Variants in CAST observed in about 807,000 individuals in gnomAD.
CAST encodes calpastatin, also known as MIR583 host.
Under a neutral mutation model 119.6 loss-of-function variants are expected in CAST, and 76 were observed. The observed-to-expected ratio is 0.64, with a 90% CI of 0.53 to 0.77. The LOEUF (loss-of-function observed/expected upper bound fraction) is 0.77. Ranked by LOEUF, CAST falls within the 30% of genes least tolerant of loss-of-function variation. The pLI, the probability that CAST is intolerant of heterozygous loss-of-function variation, is 0.00. For missense variants in CAST, 953 were observed against 946.5 expected, an observed-to-expected ratio of 1.01 and a Z score of -0.09; for synonymous variants, 319 against 331.6, an observed-to-expected ratio of 0.96 and a Z score of 0.41.
At chr5:96,344,249 G>A in the CAST span, among the ~76,000 whole-genome samples, 1 of 152,158 alleles carries the variant, frequency 6.6e-6, no homozygotes, top group African/African-American at 2.4e-5. Context: ...AGGGAAGTGG[G>A]CATTGGGATG....
chr5:96,074,301 C>CTT, the CAST span, among the ~76,000 whole-genome samples: 2 of 152,190 alleles, frequency 1.3e-5, no homozygotes, highest in African/African-American at 2.4e-5. Context: ...AGCTCTAACA[C>CTT]CCCCAGTGTG....
the CAST span, among the ~76,000 whole-genome samples, chr5:96,481,928 C>A: frequency 7.5e-4 from 114 of 152,124 alleles, no homozygotes; most frequent in Middle Eastern, 6.8e-3. Context: ...TTAAATATCC[C>A]TTGACAACTT....
At chr5:96,591,686 A>G (rs1050688553) in intron 1 of CAST, among the ~76,000 whole-genome samples, 7 of 152,230 alleles carry the variant, frequency 4.6e-5, no homozygotes, top group African/African-American at 1.7e-4. Flanking sequence ...TCCAGGGCTT[A>G]AATTCTTCCT....
chr5:96,234,652 CAG>C, the CAST span, among the ~76,000 whole-genome samples: 1 of 152,120 alleles, frequency 6.6e-6, no homozygotes, highest in Admixed American at 6.6e-5. Flanking sequence ...CATTTCTATG[CAG>C]AAAGAAAAGG....
chr5:96,542,632 AC>A (rs1334035269), intron 1 of CAST, among the ~76,000 whole-genome samples: 3 of 151,660 alleles, frequency 2.0e-5, no homozygotes, highest in East Asian at 1.9e-4. Flanking sequence ...GCCCATTTAA[AC>A]TTTTGTTCTA....
At chr5:96,102,848 A>G in the CAST span, among the ~76,000 whole-genome samples, 22 of 151,986 alleles carry the variant, frequency 1.4e-4, no homozygotes, top group Non-Finnish European at 2.9e-4. Flanking sequence ...TTAGTTGCTT[A>G]AGAAAATGAA....
the CAST span, among the ~76,000 whole-genome samples, chr5:96,205,135 C>T: frequency 1.3e-5 from 2 of 152,036 alleles, no homozygotes; most frequent in Admixed American, 1.3e-4. Flanking sequence ...GTTCTTTATA[C>T]ATTCTGGATA....
chr5:95,976,119 A>G, the CAST span, among the ~76,000 whole-genome samples: 1 of 151,834 alleles, frequency 6.6e-6, no homozygotes, highest in African/African-American at 2.4e-5. Flanking sequence ...ACTTACTTTT[A>G]AAAGTAATTT....
chr5:96,065,552 T>C, the CAST span, among the ~76,000 whole-genome samples: 1,114 of 152,280 alleles, frequency 7.3e-3, 15 homozygotes, highest in South Asian at 0.059. Flanking sequence ...AAGCATCTTT[T>C]ATTTTAAAGC....
intron 3 of CAST, among the ~76,000 whole-genome samples, chr5:96,704,898 G>A (rs1025804391): frequency 1.3e-5 from 2 of 152,076 alleles, no homozygotes; most frequent in African/African-American, 4.8e-5. Context: ...TGGCATTTTG[G>A]GTGACAATTC....
chr5:96,166,161 T>G, the CAST span, among the ~76,000 whole-genome samples: 1 of 152,120 alleles, frequency 6.6e-6, no homozygotes, highest in Non-Finnish European at 1.5e-5. Flanking sequence ...GTTTCCCCCC[T>G]GCAGATAAAA....
intron 20 of CAST, among the ~76,000 whole-genome samples, chr5:96,752,581 T>C (rs1765340980): frequency 6.8e-6 from 1 of 146,810 alleles, no homozygotes; most frequent in Non-Finnish European, 1.5e-5. Context: ...TTTTTTTTTT[T>C]TTTTTTTTTT....
intron 1 of CAST, among the ~76,000 whole-genome samples, chr5:96,647,766 G>A (rs1748036020): frequency 6.6e-6 from 1 of 152,082 alleles, no homozygotes; most frequent in Non-Finnish European, 1.5e-5. Flanking sequence ...GATCCTTCCC[G>A]AGCTCCTTCA....
the CAST span, among the ~76,000 whole-genome samples, chr5:96,445,460 A>C: frequency 1.3e-5 from 2 of 152,224 alleles, no homozygotes; most frequent in Admixed American, 1.3e-4. Context: ...CTCATTGCCC[A>C]GACACATAAT....
chr5:96,320,034 T>C, the CAST span, among the ~76,000 whole-genome samples: 1 of 150,600 alleles, frequency 6.6e-6, no homozygotes, highest in Non-Finnish European at 1.5e-5. Flanking sequence ...ACCAGGCTCC[T>C]CATAGCAGAG....
the CAST span, among the ~76,000 whole-genome samples, chr5:96,056,735 A>G: frequency 6.6e-6 from 1 of 152,150 alleles, no homozygotes; most frequent in African/African-American, 2.4e-5. Context: ...ATAAAAGTAA[A>G]GCCAGCCTCT....
the CAST span, among the ~76,000 whole-genome samples, chr5:96,437,542 AGTAT>A: frequency 1.1e-4 from 17 of 152,316 alleles, no homozygotes; most frequent in Admixed American, 5.9e-4. Flanking sequence ...CTGCTCCTGA[AGTAT>A]GTCTTTCTAT....
chr5:96,425,004 AAAGAAAAGAAAG>A, the CAST span, among the ~76,000 whole-genome samples: 1 of 127,818 alleles, frequency 7.8e-6, no homozygotes, highest in Admixed American at 8.4e-5. Context: ...AAAGAGAAAG[AAAGAAAAGAAAG>A]AAAGAAAGAA....
At chr5:96,064,500 T>G in the CAST span, among the ~76,000 whole-genome samples, 5 of 148,966 alleles carry the variant, frequency 3.4e-5, no homozygotes. Context: ...AAAGATTTCA[T>G]TTTTGTACTT....
Sources: gnomAD v4.1 joint callset for allele counts (sites outside exome capture counted in the v4.1 genomes callset) on GRCh38, gnomAD v4.1.1 for gene constraint, MANE v1.5 for transcripts, NCBI Gene and HGNC (gene_info 2026-07-23, HGNC 2026-07-21) for gene names.